The following VSIG10L2 variants were observed in gnomAD, a reference collection of about 807,000 sequenced individuals.
The protein encoded by VSIG10L2 is V-set and immunoglobulin domain containing 10 like 2.
VSIG10L2 carries 56 observed loss-of-function variants against 67.1 expected under a neutral mutation model. The observed-to-expected ratio is 0.83, with a 90% confidence interval of 0.67 to 1.04. The LOEUF (loss-of-function observed/expected upper bound fraction) is 1.04. Among genes scored for constraint, VSIG10L2 ranks in the 50% least tolerant of loss-of-function variants. The pLI, the probability that VSIG10L2 is intolerant of heterozygous loss-of-function variation, is 0.00. For missense variants in VSIG10L2, 843 were observed against 932.8 expected, an observed-to-expected ratio of 0.90 and a Z score of 1.25; for synonymous variants, 360 against 396.6, an observed-to-expected ratio of 0.91 and a Z score of 1.10.
rs1410491231 is a variant in VSIG10L2 at position 125,951,978 on chromosome 11, T to G, written c.1400T>G (p.Leu467Arg). ...GGSSSSMAVH[L>R]LQAQEDLAGR... is the part of the protein sequence containing the mutation. ...AGCAGCTCCTCGATGGCCGTTCACC[T>G]CCTGCAGGCCCAAGAAGATCTGGCT... The change falls in exon 6 of 12, where the codon CTC becomes CGC. Residue 467 changes from leucine (L) to arginine (R), a missense_variant. Around this residue, in one of 2 missense-constraint regions of VSIG10L2, gnomAD observed 397 missense variants for 384.4 expected, o/e 1.03. Transcript: ENST00000686984. 6.5e-7 allele frequency: 1 copy of G among 1,536,018 alleles called. No homozygotes were observed. Among genetic ancestry groups the G allele is most frequent in the South Asian group, 1.2e-5 (1 of 84,052 alleles).
rs540792147 is a variant in VSIG10L2, at chr11:125,951,073, C to T, written c.1149C>T (p.Ala383=). Residue 383 remains alanine (A), a synonymous_variant, in exon 5 of 12, where the codon GCC becomes GCT. Transcript: ENST00000686984. ...GCAACGTCACCTGGAGTCACGCAGCCGCCCAGCTCCCCAGTGGCAGCGTCT... is the reference window on the plus strand; with the variant it reads ...GCAACGTCACCTGGAGTCACGCAGCTGCCCAGCTCCCCAGTGGCAGCGTCT... ...APSNVTWSHA[A]AQLPSGSVFT... is the part of the protein sequence containing the mutation. 5.7e-6 allele frequency: 7 copies of T among 1,232,536 alleles called. No homozygotes were observed. Among genetic ancestry groups the T allele is most frequent in the Admixed American group, 4.2e-5 (1 of 23,716 alleles). 76.3% of individuals were successfully genotyped at this position (1,232,536 alleles called of 1,614,324 possible).
chr11:125,952,442 AC>A (rs1242430043), intron 6 of VSIG10L2, among the ~76,000 whole-genome samples: 1 of 152,246 alleles, frequency 6.6e-6, no homozygotes, highest in African/African-American at 2.4e-5. Flanking sequence ...GAGATATTTT[AC>A]ATTCTTTTTA....
chr11:125,947,937 C>T lies in VSIG10L2; in HGVS notation c.334C>T (p.Leu112Phe). 5.7e-6 allele frequency: 7 copies of T among 1,232,330 alleles called. No homozygotes were observed. Among genetic ancestry groups the T allele is most frequent in the African/African-American group, 1.5e-5 (1 of 64,564 alleles). The allele number at this position is 1,232,330 out of a possible 1,614,324, so 76.3% of individuals were successfully genotyped here. The change falls in exon 2 of 12, where the codon CTT becomes TTT. Residue 112 changes from leucine (L) to phenylalanine (F), a missense_variant. Transcript: ENST00000686984. The part of the protein sequence containing the change: ...LRNSSLVLGE[L>F]HEGARGHFLC... Reference sequence around the variant, plus strand: ...GAACAGCAGCCTGGTGCTGGGGGAGCTTCACGAGGGTGCCCGTGGCCACTT... The same window carrying T: ...GAACAGCAGCCTGGTGCTGGGGGAGTTTCACGAGGGTGCCCGTGGCCACTT...
At chr11:125,949,803 A>G (rs1344767681) in intron 3 of VSIG10L2, among the ~76,000 whole-genome samples, 2 of 152,094 alleles carry the variant, frequency 1.3e-5, no homozygotes, top group Admixed American at 1.3e-4. Flanking sequence ...CCCACAGCCC[A>G]GGGTGCTCAC....
At position 125,946,360 on chromosome 11, in the gene VSIG10L2, G is replaced by A. The variant is rs1354776372; in HGVS notation, c.82+223G>A. On this transcript the variant is annotated intron_variant, in intron 1 of 11. Coordinates refer to ENST00000686984, the MANE Select transcript of VSIG10L2 (RefSeq NM_001365077.2). The surrounding 1 kb of genome is among the most constrained non-coding windows in gnomAD (Gnocchi z 4.4). ...AGCTGGAGTCATCCTGAGAGCCACT[G>A]TGAGGTGGTAAGCCTAGGAGTGGTA... 6.6e-6 allele frequency among the ~76,000 whole-genome samples: 1 copy of A among 152,198 alleles called. No individual in the cohort carries two copies. The highest frequency in any genetic ancestry group is 1.5e-5 in the Non-Finnish European group (1 of 68,046).
At position 125,954,307 on chromosome 11, in the gene VSIG10L2, C is replaced by T. The variant is rs1565478347; in HGVS notation, c.2007C>T (p.Pro669=). ...SRGRRLGGLD[P]GVLYAFRILA... Reference sequence around the variant, plus strand: ...GACGGCGGCTGGGGGGCTTGGACCCCGGGGTCCTTTATGCCTTCCGCATCC... The same window carrying T: ...GACGGCGGCTGGGGGGCTTGGACCCTGGGGTCCTTTATGCCTTCCGCATCC... Residue 669 remains proline, a synonymous_variant, in exon 8 of 12, where the codon CCC becomes CCT. Transcript: ENST00000686984. The T allele has an allele frequency of 6.5e-6, 8 of 1,232,098 alleles. No individual in the cohort carries two copies. Among genetic ancestry groups the T allele is most frequent in the Admixed American group, 8.4e-5 (2 of 23,702 alleles). The allele number at this position is 1,232,098 out of a possible 1,614,324, so 76.3% of individuals were successfully genotyped here.
At chr11:125,953,373 C>T in intron 6 of VSIG10L2, 27 bp from the exon 7 acceptor site, 1 of 1,232,380 alleles carries the variant, frequency 8.1e-7, no homozygotes, top group Non-Finnish European at 1.0e-6. Context: ...CTCCCACTAG[C>T]CGGCCTCATC....
chr11:125,952,259 G>A (rs534246304), intron 6 of VSIG10L2, among the ~76,000 whole-genome samples, 186 bp downstream of exon 6: 79 of 152,338 alleles, frequency 5.2e-4, no homozygotes, highest in African/African-American at 1.7e-3. Flanking sequence ...TCCATAAAAT[G>A]AGGGGGTTAG....
rs1945363551 is a variant in VSIG10L2 at position 125,951,164 on chromosome 11, T to C, written c.1234+6T>C. ...CCTCTGCACAGTCATGCTCTGTGAG[T>C]GGACACAGGAAACCCCAGGGCTCTG... is the stretch of plus-strand genomic sequence containing the variant. On this transcript the variant is annotated splice_donor_region_variant and intron_variant, in intron 5 of 11. Coordinates refer to ENST00000686984, the MANE Select transcript of VSIG10L2 (RefSeq NM_001365077.2). The C allele has an allele frequency of 8.1e-7, 1 of 1,232,504 alleles. No homozygotes were observed. The highest frequency in any genetic ancestry group is 1.6e-5 in the African/African-American group (1 of 64,398). 76.3% of individuals were successfully genotyped at this position (1,232,504 alleles called of 1,614,324 possible).
Position 125,954,190 on chromosome 11 carries a change from G to T in VSIG10L2, c.1890G>T (p.Thr630=), listed in dbSNP as rs989662426. 1.6e-6 allele frequency: 2 copies of T among 1,232,084 alleles called. No individual in the cohort carries two copies. The highest frequency in any genetic ancestry group is 8.2e-5 in the South Asian group (2 of 24,314). 76.3% of individuals were successfully genotyped at this position (1,232,084 alleles called of 1,614,324 possible). The change falls in exon 8 of 12, where the codon ACG becomes ACT. Residue 630 remains threonine, a synonymous_variant. Transcript: ENST00000686984. ...QWAILGPGNL[T]GFLVQRKASA... ...CCATCTTAGGACCCGGGAACCTGAC[G>T]GGCTTCCTGGTGCAGCGGAAGGCCA...
At position 125,950,059 on chromosome 11, in the gene VSIG10L2, C is replaced by T. The variant is rs1945345579; in HGVS notation, c.755C>T (p.Thr252Ile). 2.4e-6 allele frequency: 3 copies of T among 1,232,398 alleles called. No individual in the cohort carries two copies. The highest frequency in any genetic ancestry group is 4.1e-5 in the South Asian group (1 of 24,324). The allele number at this position is 1,232,398 out of a possible 1,614,324, so 76.3% of individuals were successfully genotyped here. A position where few individuals can be genotyped will look rare whatever the true frequency, so the allele number is the denominator to read the frequency against. ...ATCACCATGGAGCCGCTGGGACTCA[C>T]TGAGGAGGGCTTCTGGGCCAGTGAG... ...PVITMEPLGL[T>I]EEGFWASERE... Residue 252 changes from threonine (T) to isoleucine (I), a missense_variant, in exon 4 of 12, where the codon ACT (threonine) becomes ATT (isoleucine). Physicochemically the swap from Thr to Ile is moderately conservative, Grantham distance 89. Coordinates refer to ENST00000686984, the MANE Select transcript of VSIG10L2 (RefSeq NM_001365077.2).
Position 125,954,340 on chromosome 11 carries a change from G to T in VSIG10L2, c.2040G>T (p.Leu680=). 1 of 1,232,106 alleles carries T rather than the reference G, an allele frequency of 8.1e-7. No individual in the cohort carries two copies. The highest frequency in any genetic ancestry group is 1.0e-6 in the Non-Finnish European group (1 of 988,012). The allele number at this position is 1,232,106 out of a possible 1,614,324, so 76.3% of individuals were successfully genotyped here. ...GVLYAFRILA[L]NHHTAGHPSE... is the part of the protein sequence containing the mutation. ...TTTATGCCTTCCGCATCCTGGCTCTGAATCACCACACTGCAGGACATCCCT... is the reference window on the plus strand; with the variant it reads ...TTTATGCCTTCCGCATCCTGGCTCTTAATCACCACACTGCAGGACATCCCT... Residue 680 remains leucine (L), a synonymous_variant, in exon 8 of 12, where the codon CTG becomes CTT. Transcript: ENST00000686984.
At position 125,948,428 on chromosome 11, in the gene VSIG10L2, C is replaced by A. The variant is rs1945323059; in HGVS notation, c.557C>A (p.Ala186Glu). The A allele has an allele frequency of 8.9e-6, 11 of 1,232,434 alleles. No individual in the cohort carries two copies. Among genetic ancestry groups the A allele is most frequent in the Non-Finnish European group, 1.1e-5 (11 of 988,178 alleles). 76.3% of individuals were successfully genotyped at this position (1,232,434 alleles called of 1,614,324 possible). Residue 186 changes from alanine (A) to glutamate (E), a missense_variant, in exon 3 of 12, where the codon GCA becomes GAA. Physicochemically the swap from Ala to Glu is moderately radical, Grantham distance 107. Around this residue, in one of 2 missense-constraint regions of VSIG10L2, gnomAD observed 446 missense variants for 548.4 expected, o/e 0.81. Transcript: ENST00000686984. ...EPVTFAWQHR[A>E]PRGLGEALVG... is the part of the protein sequence containing the mutation. ...GTGACCTTTGCCTGGCAGCATCGGGCACCCCGAGGCCTTGGAGAGGCCCTG... is the reference window on the plus strand; with the variant it reads ...GTGACCTTTGCCTGGCAGCATCGGGAACCCCGAGGCCTTGGAGAGGCCCTG...
chr11:125,948,186 G>A, intron 2 of VSIG10L2, 119 bp from the exon 3 acceptor site: 6 of 1,231,796 alleles, frequency 4.9e-6, no homozygotes, highest in Non-Finnish European at 6.1e-6. Flanking sequence ...TGATGAGGAA[G>A]GGATGGTCAG....
In VSIG10L2 at chr11:125,954,114, T is replaced by A. The variant is rs1945417674; in HGVS notation, c.1814T>A (p.Ile605Asn). The A allele has an allele frequency of 2.4e-6, 3 of 1,232,110 alleles. No homozygotes were observed. The highest frequency in any genetic ancestry group is 4.2e-5 in the Admixed American group (1 of 23,708). The allele number at this position is 1,232,110 out of a possible 1,614,324, so 76.3% of individuals were successfully genotyped here. Residue 605 changes from isoleucine (I) to asparagine (N), a missense_variant, in exon 8 of 12, where the codon ATC becomes AAC. Ile to Asn is a moderately radical substitution (Grantham distance 149). This residue lies in a region of VSIG10L2 where 397 missense variants were observed against 384.4 expected (regional missense o/e 1.03). Coordinates refer to ENST00000686984, the MANE Select transcript of VSIG10L2 (RefSeq NM_001365077.2). The stretch of plus-strand genomic sequence containing the variant: ...TATCCAGCTCCTCCCAATGTCACCA[T>A]CAGCCGCCTGACCTACGGGAGGCAC... ...LRYPAPPNVT[I>N]SRLTYGRHRR... is the part of the protein sequence containing the mutation.
chr11:125,952,545 T>C (rs1281580782), intron 6 of VSIG10L2, among the ~76,000 whole-genome samples: 1 of 152,236 alleles, frequency 6.6e-6, no homozygotes, highest in African/African-American at 2.4e-5. Context: ...ACGTGGCTGG[T>C]CACTACAATA....
chr11:125,951,938 C>T lies in VSIG10L2; in HGVS notation c.1360C>T (p.Gln454Ter), dbSNP rs936871517. 3 of 1,535,974 alleles carry T rather than the reference C, an allele frequency of 2.0e-6. No individual in the cohort carries two copies. The African/African-American group carries it at 4.1e-5, about 21-fold the overall frequency. The change falls in exon 6 of 12, where the codon CAG becomes TAG. Residue 454 changes from glutamine (Q) to a stop codon, truncating the protein, a stop_gained. Transcript: ENST00000686984. LOFTEE classifies it high-confidence loss of function. ...ATLGWLDEQQQPLGGSSSSMA... is the reference protein window; with the variant it reads ...ATLGWLDEQQ Reference sequence around the variant, plus strand: ...GCTGGGCTGGCTTGACGAACAGCAGCAGCCCCTGGGCGGCAGCAGCTCCTC... The same window carrying T: ...GCTGGGCTGGCTTGACGAACAGCAGTAGCCCCTGGGCGGCAGCAGCTCCTC...
chr11:125,954,529 T>G (rs1945424626), intron 8 of VSIG10L2, 146 bp downstream of exon 8: 1 of 601,226 alleles, frequency 1.7e-6, no homozygotes. Context: ...CTCCTCTCTC[T>G]CCACTCTCCC....
chr11:125,947,200 G>A lies in VSIG10L2; in HGVS notation c.83-486G>A, dbSNP rs574196923. 3.3e-5 allele frequency among the ~76,000 whole-genome samples: 5 copies of A among 152,206 alleles called. No individual in the cohort carries two copies. In the East Asian group the frequency reaches 7.7e-4, roughly 24 times the overall value. On this transcript the variant is annotated intron_variant, in intron 1 of 11. Coordinates refer to ENST00000686984, the MANE Select transcript of VSIG10L2 (RefSeq NM_001365077.2). ...GGGAGGGAGCCCTGGGATCCTCCTGGAATCCTTACACAGGAACTCCAGACC... is the reference window on the plus strand; with the variant it reads ...GGGAGGGAGCCCTGGGATCCTCCTGAAATCCTTACACAGGAACTCCAGACC...
Sources: gnomAD v4.1 joint callset for allele counts (sites outside exome capture counted in the v4.1 genomes callset) on GRCh38, gnomAD v4.1.1 for gene constraint, gnomAD v4.1.1 regional missense constraint, Gnocchi (gnomAD v3.1) non-coding constraint, MANE v1.5 for transcripts, NCBI Gene and HGNC (gene_info 2026-07-23, HGNC 2026-07-21) for gene names.